CFAP65: variants seen among roughly 807,000 people sequenced by gnomAD.
CFAP65 encodes cilia and flagella associated protein 65, also known as cilia- and flagella-associated protein 65.
CFAP65 carries 155 observed loss-of-function variants against 208.0 expected under a neutral mutation model. The observed-to-expected ratio is 0.75, with a 90% confidence interval of 0.65 to 0.85. CFAP65 has a LOEUF of 0.85. Among genes scored for constraint, CFAP65 ranks in the 40% least tolerant of loss-of-function variants. The pLI is 0.00. For synonymous variants in CFAP65, 970 were observed against 986.3 expected (o/e 0.98, Z 0.31); for missense variants, 2,294 against 2,451.3 (o/e 0.94, Z 1.36).
At chr2:219,010,510 C>T (rs761566409) in intron 26 of CFAP65, 36 bp downstream of exon 26, 17 of 1,588,324 alleles carry the variant, frequency 1.1e-5, no homozygotes, top group Non-Finnish European at 1.4e-5. Flanking sequence ...GGCTCTCCCA[C>T]AAGGCCTCAG....
rs1244217680 is a variant in CFAP65, at chr2:219,031,006, CG to C, written c.1015+99del. 5.6e-6 allele frequency: 8 copies of C among 1,427,610 alleles called. No individual in the cohort carries two copies. The East Asian group carries it at 9.9e-5, about 18-fold the overall frequency. 88.4% of individuals were successfully genotyped at this position (1,427,610 alleles called of 1,614,324 possible). On this transcript the variant is annotated intron_variant, in intron 8 of 34. Coordinates refer to ENST00000341552, the MANE Select transcript of CFAP65 (RefSeq NM_194302.4). The surrounding 1 kb of genome is among the most constrained non-coding windows in gnomAD (Gnocchi z 5.2). ...GGGGAGGGCAGGAGGCCGGTGGAGG[CG>C]GGGGCCAGGCCAGATGGGAGGTGGG...
intron 5 of CFAP65, among the ~76,000 whole-genome samples, chr2:219,033,291 C>T (rs2106247249): frequency 6.6e-6 from 1 of 152,198 alleles, no homozygotes; most frequent in Non-Finnish European, 1.5e-5. Flanking sequence ...GGCAACATGG[C>T]AAGATGCTGT....
Position 219,003,209 on chromosome 2 carries a change from C to T in CFAP65, c.5619G>A (p.Val1873=), listed in dbSNP as rs549456927. ...LLENMIQNIL[V]EASRGEVVLT... Reference sequence around the variant, plus strand: ...GTACCACCTCCCCGCGGCTCGCCTCCACCAGGATGTTCTGGATCATGTTCT... The same window carrying T: ...GTACCACCTCCCCGCGGCTCGCCTCTACCAGGATGTTCTGGATCATGTTCT... Residue 1873 remains valine, a synonymous_variant, in exon 34 of 35, where the codon GTG becomes GTA. Transcript: ENST00000341552. This position sits in a 1 kb window ranked among gnomAD's most constrained non-coding sequence, Gnocchi z 4.4. 6.5e-7 allele frequency: 1 copy of T among 1,548,934 alleles called. No individual in the cohort carries two copies. Among genetic ancestry groups the T allele is most frequent in the Admixed American group, 2.0e-5 (1 of 50,928 alleles).
At chr2:219,038,312 G>T in intron 4 of CFAP65, 63 bp downstream of exon 4, 1 of 1,505,422 alleles carries the variant, frequency 6.6e-7, no homozygotes, top group Non-Finnish European at 9.1e-7. Context: ...CCACTGCCCT[G>T]CCACCCATGC....
intron 9 of CFAP65, 84 bp downstream of exon 9, chr2:219,030,605 G>C (rs764022348): frequency 3.6e-5 from 55 of 1,533,142 alleles, no homozygotes; most frequent in Admixed American, 3.1e-4. Flanking sequence ...GGAGAGAAAG[G>C]GGGGGCATTC....
Position 219,026,086 on chromosome 2 carries a change from C to T in CFAP65, c.2285G>A (p.Arg762Gln), listed in dbSNP as rs144802906. The T allele has an allele frequency of 2.0e-5, 33 of 1,613,992 alleles. No individual in the cohort carries two copies. Among genetic ancestry groups the T allele is most frequent in the Non-Finnish European group, 2.5e-5 (29 of 1,180,012 alleles). ...AAAGCCAGCGAAATAGCTGTGGCCT[C>T]GTGCCCGCACCGTCAGGCACCAGGA... Reference protein sequence around the residue: ...CPSWCLTVRARGHSYFAGFEH... With the variant: ...CPSWCLTVRAQGHSYFAGFEH... Residue 762 changes from arginine to glutamine, a missense_variant, in exon 14 of 35, where the codon CGA becomes CAA. By Grantham distance (43) the Arg-to-Gln change is conservative. This residue lies in a region of CFAP65 where 867 missense variants were observed against 1,012.6 expected (regional missense o/e 0.86). Coordinates refer to ENST00000341552, the MANE Select transcript of CFAP65 (RefSeq NM_194302.4).
intron 18 of CFAP65, 30 bp downstream of exon 18, chr2:219,021,750 T>C: frequency 6.2e-7 from 1 of 1,611,196 alleles, no homozygotes; most frequent in Non-Finnish European, 8.5e-7. Flanking sequence ...CCACCTCCCC[T>C]GGCCCCAGTC....
At chr2:219,033,125 ATAT>A (rs1948153858) in intron 5 of CFAP65, among the ~76,000 whole-genome samples, 1 of 152,234 alleles carries the variant, frequency 6.6e-6, no homozygotes, top group African/African-American at 2.4e-5. Flanking sequence ...TGTACAATAA[ATAT>A]TATGGCTGCT....
chr2:219,033,194 A>C (rs151251308), intron 5 of CFAP65, among the ~76,000 whole-genome samples: 124 of 152,368 alleles, frequency 8.1e-4, no homozygotes, highest in African/African-American at 2.9e-3. Flanking sequence ...TCCACAGGCC[A>C]GGCACAGTGC....
chr2:219,005,922 C>T (rs747045643), intron 31 of CFAP65, 99 bp downstream of exon 31: 2 of 1,207,838 alleles, frequency 1.7e-6, no homozygotes, highest in Non-Finnish European at 2.4e-6. Context: ...GCCCATGCTC[C>T]ACCCCTCACC....
Position 219,021,911 on chromosome 2 carries a change from G to A in CFAP65, c.2999C>T (p.Ala1000Val). 1.2e-6 allele frequency: 2 copies of A among 1,613,622 alleles called. No individual in the cohort carries two copies. The highest frequency in any genetic ancestry group is 1.1e-5 in the South Asian group (1 of 91,076). Reference sequence around the variant, plus strand: ...GCTGTTCACCAGCACATTCCCAAAGGCCAGCTCCTTTTCCTTTGCCTGGAG... The same window carrying A: ...GCTGTTCACCAGCACATTCCCAAAGACCAGCTCCTTTTCCTTTGCCTGGAG... ...SSLSAKEKEL[A>V]FGNVLVNSKQ... Residue 1000 changes from alanine to valine, a missense_variant, in exon 18 of 35, where the codon GCC becomes GTC. By Grantham distance (64) the Ala-to-Val change is moderately conservative. Transcript: ENST00000341552.
chr2:219,011,532 T>C (rs1037251178), intron 24 of CFAP65, among the ~76,000 whole-genome samples: 2 of 152,156 alleles, frequency 1.3e-5, no homozygotes, highest in Non-Finnish European at 2.9e-5. Context: ...TCCTCCCACC[T>C]TGGCCTCCCA....
intron 14 of CFAP65, among the ~76,000 whole-genome samples, chr2:219,025,160 G>A (rs1447256797): frequency 6.6e-6 from 1 of 152,132 alleles, no homozygotes; most frequent in Admixed American, 6.5e-5. Flanking sequence ...TAGCCGGTGA[G>A]GGAGTGACGC....
chr2:219,031,907 AG>A lies in CFAP65; in HGVS notation c.646-250del, dbSNP rs1309429419. Among the ~76,000 whole-genome samples, 5 of 150,334 alleles carry A rather than the reference AG, an allele frequency of 3.3e-5. No homozygotes were observed. In the East Asian group the frequency reaches 5.9e-4, roughly 18 times the overall value. Reference sequence around the variant, plus strand: ...GCAGGAAGAGGCCAAGGAATGTAGAAGGGGTTTCTTTTCTTTTCTTTTTTTT... The same window carrying A: ...GCAGGAAGAGGCCAAGGAATGTAGAAGGGTTTCTTTTCTTTTCTTTTTTTT... On this transcript the variant is annotated intron_variant, in intron 6 of 34. Coordinates refer to ENST00000341552, the MANE Select transcript of CFAP65 (RefSeq NM_194302.4). This position sits in a 1 kb window ranked among gnomAD's most constrained non-coding sequence, Gnocchi z 5.2.
At chr2:219,035,396 T>G (rs1948295015) in intron 5 of CFAP65, 84 bp downstream of exon 5, 2 of 1,611,638 alleles carry the variant, frequency 1.2e-6, no homozygotes, top group African/African-American at 2.7e-5. Context: ...AGGTTTTTTT[T>G]GTTTGTTTTG....
At chr2:219,005,847 A>G (rs1945931123) in intron 31 of CFAP65, among the ~76,000 whole-genome samples, 174 bp downstream of exon 31, 1 of 152,162 alleles carries the variant, frequency 6.6e-6, no homozygotes, top group South Asian at 2.1e-4. Flanking sequence ...TCCCCCTCCT[A>G]AAAGGGCCTA....
chr2:219,029,763 C>T (rs1947890127), intron 10 of CFAP65, 95 bp from the exon 11 acceptor site: 1 of 1,476,588 alleles, frequency 6.8e-7, no homozygotes, highest in African/African-American at 1.4e-5. Flanking sequence ...GGCTACAGGC[C>T]CAGAGCCCTG....
Position 219,003,911 on chromosome 2 carries a change from C to G in CFAP65, c.5555+41G>C. The stretch of plus-strand genomic sequence containing the variant: ...CACTGCCTCCTAGGAACCTTCTGCA[C>G]TTCGCCTCCCTCCCGTCCTCACTGG... On this transcript the variant is annotated intron_variant, in intron 33 of 34. Coordinates refer to ENST00000341552, the MANE Select transcript of CFAP65 (RefSeq NM_194302.4). The surrounding 1 kb of genome is among the most constrained non-coding windows in gnomAD (Gnocchi z 4.4). The G allele has an allele frequency of 6.3e-7, 1 of 1,577,210 alleles. No individual in the cohort carries two copies. The highest frequency in any genetic ancestry group is 1.2e-5 in the South Asian group (1 of 83,482).
chr2:219,026,119 A>C lies in CFAP65; in HGVS notation c.2252T>G (p.Met751Arg), dbSNP rs139108524. The C allele has an allele frequency of 6.2e-7, 1 of 1,614,000 alleles. No homozygotes were observed. Among genetic ancestry groups the C allele is most frequent in the Non-Finnish European group, 8.5e-7 (1 of 1,179,968 alleles). ...CACCGTCAGGCACCAGGATGGGCAC[A>C]TGGTGCAGTCCTCCTCAATATTACT... ...SYSNIEEDCT[M>R]CPSWCLTVRA... The change falls in exon 14 of 35, where the codon ATG (methionine) becomes AGG (arginine). Residue 751 changes from methionine (M) to arginine (R), a missense_variant. Physicochemically the swap from Met to Arg is moderately conservative, Grantham distance 91 (BLOSUM62 -1). Around this residue, in one of 2 missense-constraint regions of CFAP65, gnomAD observed 867 missense variants for 1,012.6 expected, o/e 0.86. Coordinates refer to ENST00000341552, the MANE Select transcript of CFAP65 (RefSeq NM_194302.4).
Sources: allele counts gnomAD v4.1 joint callset (sites outside exome capture counted in the v4.1 genomes callset), GRCh38; gene constraint gnomAD v4.1.1; regional missense constraint gnomAD v4.1.1; non-coding constraint Gnocchi (gnomAD v3.1); transcripts MANE v1.5; gene names NCBI Gene and HGNC (gene_info 2026-07-23, HGNC 2026-07-21).